The following AK7 variants were observed in gnomAD, a reference collection of about 807,000 sequenced individuals.
AK7 encodes the protein ATP-AMP transphosphorylase 7.
AK7 carries 78 observed loss-of-function variants against 96.6 expected under a neutral mutation model. The observed-to-expected ratio is 0.81, with a 90% CI of 0.67 to 0.97. The LOEUF is 0.97. AK7 is among the 50% of genes least tolerant of loss of function. AK7 has a pLI of 0.00. For missense variants in AK7, 855 were observed against 887.9 expected (o/e 0.96, Z 0.47); for synonymous variants, 302 against 317.2 (o/e 0.95, Z 0.51).
At chr14:96,460,760 G>A (rs374011877) in intron 12 of AK7, among the ~76,000 whole-genome samples, 27 of 152,282 alleles carry the variant, frequency 1.8e-4, no homozygotes, top group Admixed American at 7.2e-4. Context: ...GCGACTGACC[G>A]GGGCTATTTG....
At chr14:96,425,249 C>T (rs1027954353) in intron 5 of AK7, among the ~76,000 whole-genome samples, 2 of 152,134 alleles carry the variant, frequency 1.3e-5, no homozygotes, top group African/African-American at 4.8e-5. Context: ...TCACAGCCAT[C>T]GATAAAGCAA....
At chr14:96,486,313 C>A (rs1185836437) in intron 16 of AK7, among the ~76,000 whole-genome samples, 1 of 152,150 alleles carries the variant, frequency 6.6e-6, no homozygotes, top group Non-Finnish European at 1.5e-5. Flanking sequence ...ATGTGCTGAT[C>A]TTTAACTAGA....
intron 5 of AK7, 60 bp downstream of exon 5, chr14:96,420,992 G>A (rs2140040415): frequency 2.5e-6 from 3 of 1,211,356 alleles, no homozygotes; most frequent in Non-Finnish European, 3.6e-6. Flanking sequence ...CTCTTTGTGT[G>A]GTTTCCTGAG....
intron 5 of AK7, among the ~76,000 whole-genome samples, chr14:96,425,049 C>T (rs1284661873): frequency 6.6e-6 from 1 of 152,152 alleles, no homozygotes; most frequent in African/African-American, 2.4e-5. Flanking sequence ...AACTTTCTTA[C>T]TCACTCTTTT....
At chr14:96,452,868 A>G (rs970357405) in intron 10 of AK7, among the ~76,000 whole-genome samples, 1 of 152,208 alleles carries the variant, frequency 6.6e-6, no homozygotes, top group Non-Finnish European at 1.5e-5. Flanking sequence ...ATCTAACTGC[A>G]GGGCCGCCAC....
At position 96,451,421 on chromosome 14, in the gene AK7, C is replaced by T. The variant is rs200320116; in HGVS notation, c.949C>T (p.Gln317Ter). Residue 317 changes from glutamine to a stop codon, truncating the protein, a stop_gained and splice_region_variant, in exon 10 of 18, where the codon CAA becomes TAA. Transcript: ENST00000267584. LOFTEE classifies it high-confidence loss of function. ...ENAYLTKDLT[Q>*]DCLDHLLVNL... ...TCTCTAATTGTCCTCTATCTTTCAG[C>T]AAGATTGTCTTGACCATTTACTGGT... The T allele has an allele frequency of 1.3e-6, 2 of 1,557,734 alleles. No homozygotes were observed. The highest frequency in any genetic ancestry group is 2.7e-5 in the African/African-American group (2 of 72,998).
intron 16 of AK7, among the ~76,000 whole-genome samples, chr14:96,484,702 A>G (rs541855514): frequency 1.3e-4 from 20 of 152,304 alleles, no homozygotes; most frequent in Admixed American, 2.6e-4. Context: ...AACCTGTCAC[A>G]TCCCCTTTTA....
At chr14:96,444,366 A>C (rs1893118227) in intron 7 of AK7, among the ~76,000 whole-genome samples, 1 of 152,196 alleles carries the variant, frequency 6.6e-6, no homozygotes, top group African/African-American at 2.4e-5. Context: ...TTAACATATT[A>C]CGTCCAAACA....
intron 4 of AK7, among the ~76,000 whole-genome samples, chr14:96,414,592 A>G (rs1891216939): frequency 6.6e-6 from 1 of 152,160 alleles, no homozygotes; most frequent in African/African-American, 2.4e-5. Context: ...TAGGAGGCAG[A>G]GCTCAGAAGG....
intron 5 of AK7, 122 bp from the exon 6 acceptor site, chr14:96,437,713 T>C: frequency 1.5e-6 from 1 of 663,952 alleles, no homozygotes; most frequent in Non-Finnish European, 2.6e-6. Flanking sequence ...CGAACAATAC[T>C]CAGTAACCTG....
intron 5 of AK7, among the ~76,000 whole-genome samples, chr14:96,430,342 C>T (rs544527723): frequency 2.0e-5 from 3 of 152,032 alleles, no homozygotes; most frequent in Non-Finnish European, 2.9e-5. Flanking sequence ...CCCGCCACTA[C>T]GCCTGGCTAA....
At chr14:96,395,966 C>G (rs1314073487) in intron 1 of AK7, among the ~76,000 whole-genome samples, 2 of 151,772 alleles carry the variant, frequency 1.3e-5, no homozygotes, top group Non-Finnish European at 2.9e-5. Context: ...CATGTGCCAC[C>G]ATGCCCAGCT....
chr14:96,482,923 A>G (rs941371098), intron 15 of AK7, 76 bp from the exon 16 acceptor site: 31 of 1,398,388 alleles, frequency 2.2e-5, no homozygotes, highest in Non-Finnish European at 3.0e-5. Context: ...GCAAGTTTAT[A>G]GTAATAAAGA....
chr14:96,446,723 C>A, intron 8 of AK7, 116 bp downstream of exon 8: 1 of 795,998 alleles, frequency 1.3e-6, no homozygotes, highest in Non-Finnish European at 2.1e-6. Context: ...GGTGGATCAC[C>A]TGAGGTCAGG....
At position 96,458,234 on chromosome 14, in the gene AK7, G is replaced by C. The variant is rs750789385; in HGVS notation, c.1357+22G>C. 2.5e-6 allele frequency: 4 copies of C among 1,611,420 alleles called. No individual in the cohort carries two copies. The South Asian group carries it at 4.4e-5, about 18-fold the overall frequency. ...GCAGGTAACACACACCCAGCAGAGA[G>C]CCACGCTGCTCTTGTGAACAGTGGC... is the stretch of plus-strand genomic sequence containing the variant. On this transcript the variant is annotated intron_variant, in intron 12 of 17. Transcript: ENST00000267584.
chr14:96,413,232 T>C (rs1234488983), intron 4 of AK7, among the ~76,000 whole-genome samples: 1 of 152,178 alleles, frequency 6.6e-6, no homozygotes, highest in Admixed American at 6.5e-5. Context: ...AGCCACACTG[T>C]GAGAAGGCGA....
intron 1 of AK7, among the ~76,000 whole-genome samples, chr14:96,392,691 C>T (rs928718389): frequency 1.3e-5 from 2 of 151,952 alleles, no homozygotes; most frequent in African/African-American, 4.8e-5. Flanking sequence ...TGAGACGGAG[C>T]CTTGCTCTGT....
chr14:96,462,678 T>G (rs1490424314), intron 12 of AK7, among the ~76,000 whole-genome samples: 2 of 152,200 alleles, frequency 1.3e-5, no homozygotes, highest in Non-Finnish European at 2.9e-5. Context: ...GACTATCAAC[T>G]TTTCTGAGTT....
At chr14:96,477,222 C>A (rs1895236656) in intron 14 of AK7, among the ~76,000 whole-genome samples, 1 of 152,202 alleles carries the variant, frequency 6.6e-6, no homozygotes, top group South Asian at 2.1e-4. Flanking sequence ...GCTGTCTCAG[C>A]CTTTGTTTTC....
Sources: gnomAD v4.1 joint callset for allele counts (sites outside exome capture counted in the v4.1 genomes callset) on GRCh38, gnomAD v4.1.1 for gene constraint, MANE v1.5 for transcripts, NCBI Gene and HGNC (gene_info 2026-07-23, HGNC 2026-07-21) for gene names.